CACNA1D: variants seen among roughly 807,000 people sequenced by gnomAD.
CACNA1D encodes the protein voltage-dependent L-type calcium channel subunit alpha-1D.
CACNA1D carries 55 observed loss-of-function variants against 257.1 expected under a neutral mutation model. The ratio of observed to expected loss-of-function variants is 0.21; its 90% CI spans 0.17 to 0.27. The LOEUF (loss-of-function observed/expected upper bound fraction) is 0.27, where lower values mean the gene tolerates loss of function less well. Among genes scored for constraint, CACNA1D ranks in the 10% least tolerant of loss-of-function variants. The pLI is 1.00. For synonymous variants in CACNA1D, 980 were observed against 1,014.9 expected (o/e 0.97, Z 0.65); for missense variants, 1,876 against 2,784.0 (o/e 0.67, Z 7.34).
intron 31 of CACNA1D, 57 bp downstream of exon 31, chr3:53,770,074 A>G: frequency 2.2e-6 from 3 of 1,393,162 alleles, no homozygotes; most frequent in South Asian, 1.2e-5. Flanking sequence ...TTATTTGACC[A>G]TGTCGAGTTT....
At position 53,650,902 on chromosome 3, in the gene CACNA1D, G is replaced by A; in HGVS notation, c.607G>A (p.Val203Ile). 6.2e-7 allele frequency: 1 copy of A among 1,609,652 alleles called. No individual in the cohort carries two copies. The highest frequency in any genetic ancestry group is 1.1e-5 in the South Asian group (1 of 91,030). ...GAATGGATGGAATTTACTGGATTTT[G>A]TTATAGTAATAGTAGGGTAAGTCTC... ...VRNGWNLLDF[V>I]IVIVGLFSVI... The change falls in exon 4 of 48, where the codon GTT (valine) becomes ATT (isoleucine). Residue 203 changes from valine to isoleucine, a missense_variant. By Grantham distance (29) the Val-to-Ile change is conservative. This residue lies in a region of CACNA1D where 188 missense variants were observed against 390.4 expected (regional missense o/e 0.48). Coordinates refer to ENST00000350061, the MANE Select transcript of CACNA1D (RefSeq NM_001128840.3).
At chr3:53,633,031 C>T (rs1014013529) in intron 3 of CACNA1D, among the ~76,000 whole-genome samples, 2 of 152,072 alleles carry the variant, frequency 1.3e-5, no homozygotes, top group Non-Finnish European at 2.9e-5. Flanking sequence ...AGCATTGCCA[C>T]GGATGTTCAG....
intron 3 of CACNA1D, among the ~76,000 whole-genome samples, chr3:53,638,595 C>A (rs529738794): frequency 3.2e-4 from 48 of 152,338 alleles, no homozygotes; most frequent in African/African-American, 1.1e-3. Flanking sequence ...CTCATTTGCA[C>A]TTACCAACAA....
At chr3:53,777,099 G>A in intron 37 of CACNA1D, 143 bp downstream of exon 37, 2 of 720,488 alleles carry the variant, frequency 2.8e-6, no homozygotes, top group Non-Finnish European at 2.5e-6. Flanking sequence ...TACCTCTGGG[G>A]AAATCTCAGA....
chr3:53,722,099 C>T (rs1252918347), intron 11 of CACNA1D, among the ~76,000 whole-genome samples: 1 of 152,172 alleles, frequency 6.6e-6, no homozygotes, highest in Non-Finnish European at 1.5e-5. Flanking sequence ...ATGATCAAGT[C>T]AAGATTATAC....
At position 53,786,862 on chromosome 3, in the gene CACNA1D, G is replaced by A; in HGVS notation, c.4833G>A (p.Leu1611=). ...TGGGGAAGTTCTATGCCACTTTCCT[G>A]ATACAGGACTACTTTAGGAAATTCA... The part of the protein sequence containing the change: ...VTVGKFYATF[L]IQDYFRKFKK... Residue 1611 remains leucine, a synonymous_variant, in exon 40 of 48, where the codon CTG becomes CTA. Transcript: ENST00000350061. 6 of 1,613,510 alleles carry A rather than the reference G, an allele frequency of 3.7e-6. 1 individual carries two copies. In the Middle Eastern group the frequency reaches 6.6e-4, roughly 177 times the overall value.
rs138752020 is a variant in CACNA1D, at chr3:53,536,473, G to T, written c.483+34753G>T. ...TTGTTGAAATGCATGGGAACTACCA[G>T]GTTAAAAGACATAAAAATAGACAAT... is the stretch of plus-strand genomic sequence containing the variant. On this transcript the variant is annotated intron_variant, in intron 3 of 47. Coordinates refer to ENST00000350061, the MANE Select transcript of CACNA1D (RefSeq NM_001128840.3). Among the ~76,000 whole-genome samples, 235 of 152,284 alleles carry T rather than the reference G, an allele frequency of 1.5e-3. 2 individuals are homozygous for T. The highest frequency in any genetic ancestry group is 6.6e-3 in the East Asian group (34 of 5,188).
intron 8 of CACNA1D, among the ~76,000 whole-genome samples, chr3:53,689,466 G>C (rs987205062): frequency 1.3e-5 from 2 of 151,902 alleles, no homozygotes; most frequent in African/African-American, 4.8e-5. Flanking sequence ...AGTTAGGAGA[G>C]CCTGGGGGCT....
intron 9 of CACNA1D, among the ~76,000 whole-genome samples, chr3:53,714,611 T>C (rs1400131013): frequency 5.9e-5 from 9 of 152,366 alleles, no homozygotes; most frequent in African/African-American, 1.9e-4. Flanking sequence ...CACTGGTAGA[T>C]AATAGACTCG....
chr3:53,725,029 C>T (rs1475366710), intron 14 of CACNA1D, among the ~76,000 whole-genome samples: 5 of 139,958 alleles, frequency 3.6e-5, no homozygotes, highest in African/African-American at 5.3e-5. Context: ...GTAATGCATG[C>T]ATATGGCACA....
chr3:53,602,867 A>G (rs1474183713), intron 3 of CACNA1D, among the ~76,000 whole-genome samples: 1 of 152,140 alleles, frequency 6.6e-6, no homozygotes, highest in Non-Finnish European at 1.5e-5. Flanking sequence ...TCAGATGGAT[A>G]CTTTGCAAAT....
chr3:53,752,357 A>G (rs759992371), intron 28 of CACNA1D, among the ~76,000 whole-genome samples: 2 of 152,186 alleles, frequency 1.3e-5, no homozygotes, highest in African/African-American at 4.8e-5. Flanking sequence ...GTTAGAGATA[A>G]GGTTTATGCT....
intron 3 of CACNA1D, among the ~76,000 whole-genome samples, chr3:53,546,581 G>A (rs1385937736): frequency 2.0e-5 from 3 of 152,192 alleles, no homozygotes; most frequent in Non-Finnish European, 4.4e-5. Flanking sequence ...TCTCCACAGA[G>A]ATCCTGCTGC....
At chr3:53,688,373 C>G (rs558304834) in intron 8 of CACNA1D, among the ~76,000 whole-genome samples, 4 of 152,192 alleles carry the variant, frequency 2.6e-5, no homozygotes, top group Non-Finnish European at 5.9e-5. Flanking sequence ...TCTGTACTTA[C>G]AGAGGCATGA....
rs2095227123 is a variant in CACNA1D at position 53,751,633 on chromosome 3, G to A, written c.3517-116G>A. On this transcript the variant is annotated intron_variant, in intron 27 of 47. Coordinates refer to ENST00000350061, the MANE Select transcript of CACNA1D (RefSeq NM_001128840.3). This position sits in a 1 kb window ranked among gnomAD's most constrained non-coding sequence, Gnocchi z 4.3. ...GTCACTCGTAATCATTTTCACCATC[G>A]TCCACGGCCCCTTCCCGGGAGCTGT... 8 of 1,034,814 alleles carry A rather than the reference G, an allele frequency of 7.7e-6. No homozygotes were observed. The highest frequency in any genetic ancestry group is 5.1e-5 in the South Asian group (4 of 78,562). 64.1% of individuals were successfully genotyped at this position (1,034,814 alleles called of 1,614,324 possible). A position where few individuals can be genotyped will look rare whatever the true frequency, so the allele number is the denominator to read the frequency against.
intron 37 of CACNA1D, among the ~76,000 whole-genome samples, chr3:53,779,013 T>C (rs2095412402): frequency 6.6e-6 from 1 of 152,170 alleles, no homozygotes; most frequent in African/African-American, 2.4e-5. Flanking sequence ...AAAAACATGC[T>C]TGGAGCCGGG....
chr3:53,802,459 A>G (rs2095541086), intron 43 of CACNA1D, among the ~76,000 whole-genome samples: 2 of 152,238 alleles, frequency 1.3e-5, no homozygotes, highest in South Asian at 2.1e-4. Context: ...AGGAGCATCC[A>G]TTGTGCATTT....
intron 3 of CACNA1D, among the ~76,000 whole-genome samples, chr3:53,560,349 G>A (rs114010458): frequency 0.018 from 2,711 of 152,228 alleles, 35 homozygotes; most frequent in Non-Finnish European, 0.029. Context: ...GATAGGGTGG[G>A]AGTTCTTACT....
Position 53,800,426 on chromosome 3 carries a change from T to G in CACNA1D, c.5040+61T>G. 8.9e-7 allele frequency: 1 copy of G among 1,126,688 alleles called. No homozygotes were observed. Among genetic ancestry groups the G allele is most frequent in the Non-Finnish European group, 1.4e-6 (1 of 734,896 alleles). 69.8% of individuals were successfully genotyped at this position (1,126,688 alleles called of 1,614,324 possible). ...TGGAAATAGCAGGGCAGGACTCCAGTTTGGGCAGTTAATCATCCACAGAAG... is the reference window on the plus strand; with the variant it reads ...TGGAAATAGCAGGGCAGGACTCCAGGTTGGGCAGTTAATCATCCACAGAAG... On this transcript the variant is annotated intron_variant, in intron 41 of 47. Transcript: ENST00000350061. The surrounding 1 kb of genome is among the most constrained non-coding windows in gnomAD (Gnocchi z 4.3).
Sources: allele counts gnomAD v4.1 joint callset (sites outside exome capture counted in the v4.1 genomes callset), GRCh38; gene constraint gnomAD v4.1.1; regional missense constraint gnomAD v4.1.1; non-coding constraint Gnocchi (gnomAD v3.1); transcripts MANE v1.5; gene names NCBI Gene and HGNC (gene_info 2026-07-23, HGNC 2026-07-21).